The following NLRP5 variants were observed in gnomAD, a reference collection of about 807,000 sequenced individuals.
NLRP5 encodes the protein NACHT, LRR and PYD domains-containing protein 5.
In NLRP5, 93 loss-of-function variants were observed where a neutral mutation model predicts 113.1. The ratio of observed to expected loss-of-function variants is 0.82; its 90% CI spans 0.70 to 0.98. The LOEUF (loss-of-function observed/expected upper bound fraction) is 0.98, where lower values mean the gene tolerates loss of function less well. Among genes scored for constraint, NLRP5 ranks in the 50% least tolerant of loss-of-function variants. The pLI is 0.00. For missense variants in NLRP5, 1,808 were observed against 1,514.3 expected, an observed-to-expected ratio of 1.19 and a Z score of -3.22; for synonymous variants, 751 against 600.7, an observed-to-expected ratio of 1.25 and a Z score of -3.66.
At chr19:56,048,482 C>T (rs1185697288) in intron 11 of NLRP5, among the ~76,000 whole-genome samples, 4 of 152,018 alleles carry the variant, frequency 2.6e-5, no homozygotes, top group Admixed American at 6.6e-5. Context: ...ATATAAAATG[C>T]TTAGTTTTGC....
Position 56,030,711 on chromosome 19 carries a change from C to CTTTTTTTTTTTTTTTTTTT in NLRP5, c.2277-1898_2277-1897insTTTTTTTTTTTTTTTTTTT, listed in dbSNP as rs1251579019. On this transcript the variant is annotated intron_variant, in intron 7 of 14. Transcript: ENST00000390649. ...TATACTTACATTCATTCGCTTTCTT[C>CTTTTTTTTTTTTTTTTTTT]TTCTTTTTTTTTTTTTTTTTTGAGA... is the stretch of plus-strand genomic sequence containing the variant. Among the ~76,000 whole-genome samples, 60 of 47,760 alleles carry CTTTTTTTTTTTTTTTTTTT rather than the reference C, an allele frequency of 1.3e-3. 1 individual carries two copies. The highest frequency in any genetic ancestry group is 6.2e-3 in the East Asian group (9 of 1,460). 31.3% of individuals were successfully genotyped at this position (47,760 alleles called of 152,430 possible). A position where few individuals can be genotyped will look rare whatever the true frequency, so the allele number is the denominator to read the frequency against.
intron 3 of NLRP5, among the ~76,000 whole-genome samples, chr19:56,012,819 A>G (rs1474164291): frequency 6.6e-6 from 1 of 152,194 alleles, no homozygotes; most frequent in Non-Finnish European, 1.5e-5. Context: ...CACTTCTGAT[A>G]CAGTTTGCTG....
intron 6 of NLRP5, among the ~76,000 whole-genome samples, chr19:56,024,421 T>TGTG (rs141358200): frequency 5.6e-5 from 8 of 141,776 alleles, no homozygotes; most frequent in African/African-American, 1.6e-4. Context: ...TGTATATATG[T>TGTG]TATATATACA....
At chr19:56,035,192 G>T (rs1045187641) in intron 9 of NLRP5, among the ~76,000 whole-genome samples, 1 of 152,144 alleles carries the variant, frequency 6.6e-6, no homozygotes. Context: ...CACTGGCTGT[G>T]CCCTCCCAAA....
chr19:56,013,939 C>T (rs1333373973), intron 3 of NLRP5, among the ~76,000 whole-genome samples: 2 of 152,010 alleles, frequency 1.3e-5, no homozygotes, highest in Non-Finnish European at 2.9e-5. Flanking sequence ...TTATTGGCTA[C>T]TTCTGTGTCT....
At chr19:56,053,969 C>T (rs376974) in intron 13 of NLRP5, among the ~76,000 whole-genome samples, 161 bp downstream of exon 13, 21,687 of 152,114 alleles carry the variant, frequency 0.14, 1,986 homozygotes, top group Middle Eastern at 0.21. Context: ...GTATAAGTTC[C>T]AGCTCGGCTC....
At chr19:55,991,592 C>T in the NLRP5 span, among the ~76,000 whole-genome samples, 2 of 152,124 alleles carry the variant, frequency 1.3e-5, no homozygotes, top group East Asian at 3.9e-4. Flanking sequence ...TTTGATCTCA[C>T]GTTTAACTGG....
intron 12 of NLRP5, among the ~76,000 whole-genome samples, chr19:56,052,855 CTT>C (rs1983981592): frequency 1.3e-5 from 2 of 152,216 alleles, no homozygotes; most frequent in African/African-American, 4.8e-5. Context: ...CTGTCAGAAT[CTT>C]TCCAGTTTCT....
At chr19:56,007,904 C>CGTGCGTGCGTGT (rs1981998735) in intron 2 of NLRP5, among the ~76,000 whole-genome samples, 1 of 110,072 alleles carries the variant, frequency 9.1e-6, no homozygotes, top group African/African-American at 3.3e-5. Flanking sequence ...TGCGCGCGTG[C>CGTGCGTGCGTGT]GTGTGTGTGT....
intron 7 of NLRP5, among the ~76,000 whole-genome samples, chr19:56,030,062 A>AAAAAAATT (rs1983035986): frequency 6.6e-6 from 1 of 150,978 alleles, no homozygotes; most frequent in African/African-American, 2.4e-5. Context: ...CTCAAAAAAT[A>AAAAAAATT]AAAAAAGCCT....
chr19:56,047,700 C>T (rs1178151316), intron 11 of NLRP5, among the ~76,000 whole-genome samples: 2 of 152,122 alleles, frequency 1.3e-5, no homozygotes, highest in East Asian at 1.9e-4. Context: ...GTGTATTCTG[C>T]AGTTGTTGGA....
At chr19:56,023,992 CAG>C (rs1210374653) in intron 6 of NLRP5, among the ~76,000 whole-genome samples, 1 of 152,034 alleles carries the variant, frequency 6.6e-6, no homozygotes, top group Non-Finnish European at 1.5e-5. Context: ...TATCAGATAT[CAG>C]AGGCTGAAGA....
intron 12 of NLRP5, among the ~76,000 whole-genome samples, chr19:56,051,545 A>G (rs1197817594): frequency 1.4e-5 from 2 of 146,160 alleles, no homozygotes; most frequent in African/African-American, 5.0e-5. Flanking sequence ...AATATTTTCT[A>G]TATCTAATCT....
chr19:56,061,686 CT>C lies in NLRP5; in HGVS notation c.*159del. On this transcript the variant is annotated 3_prime_UTR_variant, in exon 15 of 15. Coordinates refer to ENST00000390649, the MANE Select transcript of NLRP5 (RefSeq NM_153447.4). ...AATGGTAGTGATTCTTCTGTGTTCA[CT>C]CTACGTTGGTTACTGGATTTGAAGG... is the stretch of plus-strand genomic sequence containing the variant. 1.2e-6 allele frequency: 1 copy of C among 804,672 alleles called. No individual in the cohort carries two copies. The highest frequency in any genetic ancestry group is 2.0e-6 in the Non-Finnish European group (1 of 502,206). The allele number at this position is 804,672 out of a possible 1,614,324, so 49.8% of individuals were successfully genotyped here. A position where few individuals can be genotyped will look rare whatever the true frequency, so the allele number is the denominator to read the frequency against.
chr19:56,044,615 A>C (rs916311036), intron 11 of NLRP5, among the ~76,000 whole-genome samples: 2 of 152,192 alleles, frequency 1.3e-5, no homozygotes, highest in South Asian at 4.1e-4. Context: ...TTTGGTGACT[A>C]TGCCTTATAG....
chr19:56,012,787 G>A (rs972527176), intron 3 of NLRP5, among the ~76,000 whole-genome samples: 1 of 152,136 alleles, frequency 6.6e-6, no homozygotes, highest in Non-Finnish European at 1.5e-5. Flanking sequence ...TGTGATATAA[G>A]CACCATTACA....
intron 11 of NLRP5, among the ~76,000 whole-genome samples, chr19:56,049,324 C>T (rs1386565633): frequency 6.6e-6 from 1 of 151,964 alleles, no homozygotes; most frequent in African/African-American, 2.4e-5. Context: ...GGATTACAGG[C>T]ATGCACCACC....
chr19:56,055,693 C>G (rs1400506882), intron 13 of NLRP5, among the ~76,000 whole-genome samples: 1 of 151,366 alleles, frequency 6.6e-6, no homozygotes, highest in South Asian at 2.1e-4. Flanking sequence ...CTACAGGTGC[C>G]CGCCACCACG....
At chr19:56,030,664 T>C (rs1983062259) in intron 7 of NLRP5, among the ~76,000 whole-genome samples, 1 of 151,286 alleles carries the variant, frequency 6.6e-6, no homozygotes, top group South Asian at 2.1e-4. Context: ...CAAAGCTACT[T>C]GTGTTCACAG....
Sources: gnomAD v4.1 joint callset for allele counts (sites outside exome capture counted in the v4.1 genomes callset) on GRCh38, gnomAD v4.1.1 for gene constraint, MANE v1.5 for transcripts, NCBI Gene and HGNC (gene_info 2026-07-23, HGNC 2026-07-21) for gene names.